ARHGEF7: variants seen among roughly 807,000 people sequenced by gnomAD.
The protein encoded by ARHGEF7 is Rho guanine nucleotide exchange factor 7.
In ARHGEF7, 33 loss-of-function variants were observed where a neutral mutation model predicts 109.8. That is an observed-to-expected ratio of 0.30 (90% CI 0.23 to 0.40). The LOEUF (loss-of-function observed/expected upper bound fraction) is 0.40, where lower values mean the gene tolerates loss of function less well. Ranked by LOEUF, ARHGEF7 falls within the 10% of genes least tolerant of loss-of-function variation. The pLI, the probability that ARHGEF7 is intolerant of heterozygous loss-of-function variation, is 1.00. For missense variants in ARHGEF7, 938 were observed against 1,098.5 expected (o/e 0.85, Z 2.07); for synonymous variants, 458 against 424.6 (o/e 1.08, Z -0.97).
At chr13:111,293,311 T>G (rs2093345567) in intron 19 of ARHGEF7, 1 of 985,382 alleles carries the variant, frequency 1.0e-6, no homozygotes, top group Non-Finnish European at 1.2e-6. Context: ...ATCATTATTT[T>G]CAGCAACCAG....
At chr13:111,198,921 T>C (rs2153457158) in intron 2 of ARHGEF7, among the ~76,000 whole-genome samples, 1 of 152,298 alleles carries the variant, frequency 6.6e-6, no homozygotes, top group Non-Finnish European at 1.5e-5. Context: ...AGAGTGCTGA[T>C]TGGTGTGTTT....
chr13:111,197,429 C>T (rs1391386175), intron 2 of ARHGEF7, among the ~76,000 whole-genome samples: 2 of 152,166 alleles, frequency 1.3e-5, no homozygotes, highest in Non-Finnish European at 2.9e-5. Flanking sequence ...ACAAAGAGGA[C>T]TGAGAAAAAT....
chr13:111,242,216 G>GT (rs1047891673), intron 6 of ARHGEF7, among the ~76,000 whole-genome samples: 8 of 151,596 alleles, frequency 5.3e-5, no homozygotes, highest in East Asian at 1.9e-4. Flanking sequence ...AAGAGCCTCT[G>GT]TTTTTTTTCG....
chr13:111,206,281 A>AT (rs1470313445), intron 3 of ARHGEF7, among the ~76,000 whole-genome samples: 1 of 151,484 alleles, frequency 6.6e-6, no homozygotes, highest in Admixed American at 6.6e-5. Flanking sequence ...GACGGGGGTT[A>AT]TGCATGCTTT....
At chr13:111,244,168 A>G (rs1338431011) in intron 7 of ARHGEF7, 31 bp from the exon 8 acceptor site, 1 of 1,480,868 alleles carries the variant, frequency 6.8e-7, no homozygotes. Flanking sequence ...AACTGTTTAC[A>G]TATGTTTACT....
At chr13:111,209,004 T>G (rs1357835540) in intron 3 of ARHGEF7, among the ~76,000 whole-genome samples, 1 of 152,180 alleles carries the variant, frequency 6.6e-6, no homozygotes, top group African/African-American at 2.4e-5. Flanking sequence ...ACCTTCAGAC[T>G]TTTCGATGTT....
chr13:111,115,336 G>A lies in ARHGEF7; in HGVS notation c.-191G>A, dbSNP rs1413077914. ...CAGGTTCCCGAGCCGCTCCTGAGAA[G>A]GCGCCTGACAGCGGGCCGGGGCGCA... On this transcript the variant is annotated 5_prime_UTR_variant, in exon 1 of 22. Transcript: ENST00000646102. 4.2e-5 allele frequency: 9 copies of A among 216,082 alleles called. No individual in the cohort carries two copies. The East Asian group carries it at 1.5e-3, about 37-fold the overall frequency. 13.4% of individuals were successfully genotyped at this position (216,082 alleles called of 1,614,324 possible).
chr13:111,203,482 G>T (rs1459135433), intron 2 of ARHGEF7, among the ~76,000 whole-genome samples: 1 of 152,150 alleles, frequency 6.6e-6, no homozygotes, highest in Admixed American at 6.5e-5. Context: ...TTTAAAGGAA[G>T]GATTTAGCTT....
At chr13:111,290,718 C>T (rs1185641675) in intron 18 of ARHGEF7, among the ~76,000 whole-genome samples, 6 of 152,248 alleles carry the variant, frequency 3.9e-5, no homozygotes, top group Non-Finnish European at 7.3e-5. Context: ...GCAAGAAAAG[C>T]ATTGAACGAT....
At position 111,198,936 on chromosome 13, in the gene ARHGEF7, A is replaced by G. The variant is rs556279243; in HGVS notation, c.253-6353A>G. Among the ~76,000 whole-genome samples the G allele has an allele frequency of 1.6e-4, 25 of 152,192 alleles. No individual in the cohort carries two copies. In the East Asian group the frequency reaches 4.2e-3, roughly 26 times the overall value. On this transcript the variant is annotated intron_variant, in intron 2 of 21. Coordinates refer to ENST00000646102, the MANE Select transcript of ARHGEF7 (RefSeq NM_001354046.2). ...AGAGTGCTGATTGGTGTGTTTACAA[A>G]CCTTTAGCTGGACACGGAGTGCTGA...
In ARHGEF7 at chr13:111,118,812, C is replaced by G. The variant is rs549392604; in HGVS notation, c.165+3121C>G. On this transcript the variant is annotated intron_variant, in intron 1 of 21. Coordinates refer to ENST00000646102, the MANE Select transcript of ARHGEF7 (RefSeq NM_001354046.2). ...ATGCAACAAATGAAGTCTCTTAACT[C>G]ACTATAAAAAACTCAAGGAACTTGG... Among the ~76,000 whole-genome samples the G allele has an allele frequency of 5.9e-5, 9 of 152,286 alleles. No individual in the cohort carries two copies. In the South Asian group the frequency reaches 1.9e-3, roughly 32 times the overall value.
chr13:111,278,626 T>C (rs538294107), intron 13 of ARHGEF7, among the ~76,000 whole-genome samples: 3 of 152,344 alleles, frequency 2.0e-5, no homozygotes, highest in Non-Finnish European at 4.4e-5. Context: ...GGCTGTAGTT[T>C]GTTAGGCCAC....
chr13:111,146,517 T>C (rs1360938827), intron 1 of ARHGEF7, among the ~76,000 whole-genome samples: 4 of 152,244 alleles, frequency 2.6e-5, no homozygotes, highest in Non-Finnish European at 5.9e-5. Context: ...TTCAGATCTA[T>C]GCAGAATCAG....
At chr13:111,277,967 A>G (rs2092581885) in intron 13 of ARHGEF7, among the ~76,000 whole-genome samples, 1 of 152,218 alleles carries the variant, frequency 6.6e-6, no homozygotes, top group Non-Finnish European at 1.5e-5. Context: ...TTCATGCAAA[A>G]TACCTTGCTC....
At chr13:111,141,199 TTGTATGTTC>T (rs530902476) in intron 1 of ARHGEF7, among the ~76,000 whole-genome samples, 14 of 152,184 alleles carry the variant, frequency 9.2e-5, no homozygotes, top group Non-Finnish European at 2.1e-4. Context: ...TCACTGTGTG[TTGTATGTTC>T]TGTGGGTTTT....
At chr13:111,300,635 A>G in intron 19 of ARHGEF7, 113 bp from the exon 20 acceptor site, 1 of 708,116 alleles carries the variant, frequency 1.4e-6, no homozygotes, top group Non-Finnish European at 2.3e-6. Flanking sequence ...ACGTTTTTAA[A>G]TGCATAATTG....
intron 1 of ARHGEF7, among the ~76,000 whole-genome samples, chr13:111,123,876 G>GCCCCCCCCCCCC: frequency 1.7e-5 from 1 of 58,448 alleles, no homozygotes; most frequent in East Asian, 1.0e-3. Context: ...CCCCCCCCCG[G>GCCCCCCCCCCCC]CCCCGCCCCC....
At chr13:111,124,625 C>A (rs1330179557) in intron 1 of ARHGEF7, among the ~76,000 whole-genome samples, 2 of 152,244 alleles carry the variant, frequency 1.3e-5, no homozygotes, top group Non-Finnish European at 2.9e-5. Context: ...GGTGGCTTGT[C>A]TACCACCTGG....
At chr13:111,191,587 G>A (rs900101147) in intron 2 of ARHGEF7, among the ~76,000 whole-genome samples, 15 of 152,154 alleles carry the variant, frequency 9.9e-5, no homozygotes, top group Admixed American at 5.9e-4. Flanking sequence ...GAGTGGCTAC[G>A]TAAGCAGAGA....
Sources: allele counts gnomAD v4.1 joint callset (sites outside exome capture counted in the v4.1 genomes callset), GRCh38; gene constraint gnomAD v4.1.1; transcripts MANE v1.5; gene names NCBI Gene and HGNC (gene_info 2026-07-23, HGNC 2026-07-21).